HMGXB3: variants seen among roughly 807,000 people sequenced by gnomAD.
HMGXB3 encodes the protein HMG domain-containing protein 3.
In HMGXB3, 45 loss-of-function variants were observed where a neutral mutation model predicts 121.5. The ratio of observed to expected loss-of-function variants is 0.37; its 90% CI spans 0.29 to 0.47. HMGXB3 has a LOEUF of 0.47. HMGXB3 is among the 20% of genes least tolerant of loss of function. The probability of loss-of-function intolerance (pLI) is 0.99; values close to 1 mark genes in which losing one functional copy is unlikely to be tolerated. For synonymous variants in HMGXB3, 590 were observed against 624.1 expected (o/e 0.95, Z 0.81); for missense variants, 1,376 against 1,602.2 (o/e 0.86, Z 2.41).
Position 150,026,777 on chromosome 5 carries a change from T to G in HMGXB3, c.1532T>G (p.Leu511Arg), listed in dbSNP as rs1756241070. 1 of 1,550,660 alleles carries G rather than the reference T, an allele frequency of 6.4e-7. No homozygotes were observed. The highest frequency in any genetic ancestry group is 1.4e-5 in the African/African-American group (1 of 72,972). Residue 511 changes from leucine to arginine, a missense_variant, in exon 8 of 20, where the codon CTG (leucine) becomes CGG (arginine). Coordinates refer to ENST00000502717, the MANE Select transcript of HMGXB3 (RefSeq NM_014983.3). ...AGAGCACGGGGCAAGCCCTCATTAC[T>G]GGCTGCAGCAAGACCCATGAGAGCA... ...KGRARGKPSL[L>R]AAARPMRAIL...
chr5:150,026,936 G>C (rs921232403), intron 8 of HMGXB3, 55 bp downstream of exon 8: 3 of 1,525,596 alleles, frequency 2.0e-6, no homozygotes, highest in Admixed American at 2.0e-5. Context: ...AAAGGGACAG[G>C]AGTGGGGGGT....
chr5:150,041,228 C>T (rs1418522885), intron 14 of HMGXB3, among the ~76,000 whole-genome samples: 1 of 152,238 alleles, frequency 6.6e-6, no homozygotes, highest in East Asian at 1.9e-4. Context: ...CATGCCAAGA[C>T]CTAAGAGTGA....
chr5:150,012,373 G>A lies in HMGXB3; in HGVS notation c.909+20G>A. On this transcript the variant is annotated intron_variant, in intron 5 of 19. Coordinates refer to ENST00000502717, the MANE Select transcript of HMGXB3 (RefSeq NM_014983.3). ...AAACTGGTCAGTACTGTATGTGGGG[G>A]ATTGATGGCAATTAGGGTGTCATAA... is the stretch of plus-strand genomic sequence containing the variant. 1 of 1,495,112 alleles carries A rather than the reference G, an allele frequency of 6.7e-7. No individual in the cohort carries two copies. The highest frequency in any genetic ancestry group is 9.1e-7 in the Non-Finnish European group (1 of 1,095,518). The allele number at this position is 1,495,112 out of a possible 1,614,324, so 92.6% of individuals were successfully genotyped here.
intron 15 of HMGXB3, among the ~76,000 whole-genome samples, chr5:150,043,046 C>T (rs2113759181): frequency 6.6e-6 from 1 of 152,250 alleles, no homozygotes; most frequent in Non-Finnish European, 1.5e-5. Context: ...CAAAGTTAAA[C>T]ACAGGAAAGC....
intron 6 of HMGXB3, among the ~76,000 whole-genome samples, chr5:150,020,041 T>TTTAA (rs1756051099): frequency 6.6e-6 from 1 of 152,222 alleles, no homozygotes; most frequent in Non-Finnish European, 1.5e-5. Flanking sequence ...TGTTCCTGGA[T>TTTAA]TTAAGTTTTG....
intron 5 of HMGXB3, among the ~76,000 whole-genome samples, chr5:150,016,555 C>G (rs915679723): frequency 1.3e-5 from 2 of 152,102 alleles, no homozygotes; most frequent in Admixed American, 1.3e-4. Flanking sequence ...TCTACTTTGT[C>G]TAATATCTAG....
chr5:150,050,661 A>G (rs889327432), intron 19 of HMGXB3, among the ~76,000 whole-genome samples, 200 bp downstream of exon 19: 3 of 152,128 alleles, frequency 2.0e-5, no homozygotes, highest in African/African-American at 7.2e-5. Context: ...TTTGTGTTTT[A>G]GTAGAGATGG....
chr5:150,050,224 C>T, intron 18 of HMGXB3, 28 bp from the exon 19 acceptor site: 3 of 1,539,058 alleles, frequency 1.9e-6, no homozygotes, highest in Non-Finnish European at 2.6e-6. Flanking sequence ...CCTAATTAAC[C>T]CTGCGCCCCC....
At position 150,032,557 on chromosome 5, in the gene HMGXB3, G is replaced by C; in HGVS notation, c.1937G>C (p.Gly646Ala). The change falls in exon 11 of 20, where the codon GGT becomes GCT. Residue 646 changes from glycine (G) to alanine (A), a missense_variant. This residue lies in a region of HMGXB3 where 1,116 missense variants were observed against 1,369.0 expected (regional missense o/e 0.82). Transcript: ENST00000502717. The stretch of plus-strand genomic sequence containing the variant: ...AAACCTCGAATTTGTCCCAGCTGTG[G>C]TGTTAACCTTGCCAAAGACCGGACT... ...RHKPRICPSCGVNLAKDRTEK... is the reference protein window; with the variant it reads ...RHKPRICPSCAVNLAKDRTEK... 1.3e-6 allele frequency: 2 copies of C among 1,552,242 alleles called. No individual in the cohort carries two copies. The highest frequency in any genetic ancestry group is 1.2e-5 in the South Asian group (1 of 84,054).
chr5:150,001,456 C>T (rs1755562250), intron 1 of HMGXB3, among the ~76,000 whole-genome samples: 3 of 152,210 alleles, frequency 2.0e-5, no homozygotes, highest in Non-Finnish European at 4.4e-5. Flanking sequence ...CAAAGGCAAT[C>T]TCGTGAGATT....
chr5:150,016,136 G>A (rs530615904), intron 5 of HMGXB3, among the ~76,000 whole-genome samples: 3 of 152,236 alleles, frequency 2.0e-5, no homozygotes, highest in African/African-American at 7.2e-5. Flanking sequence ...CTTGAGCCCA[G>A]GAGTTCAAGA....
At chr5:150,050,595 C>T (rs1756867604) in intron 19 of HMGXB3, 134 bp downstream of exon 19, 1 of 650,332 alleles carries the variant, frequency 1.5e-6, no homozygotes, top group African/African-American at 1.8e-5. Flanking sequence ...AGTTCTCGTG[C>T]CTCAGCCTCC....
intron 16 of HMGXB3, 93 bp from the exon 17 acceptor site, chr5:150,047,531 G>A (rs1324039521): frequency 1.0e-5 from 15 of 1,462,626 alleles, no homozygotes; most frequent in Non-Finnish European, 1.4e-5. Context: ...TTGGTGCAGA[G>A]CTGGCTTCCA....
chr5:150,027,710 G>T (rs966963026), intron 9 of HMGXB3, among the ~76,000 whole-genome samples: 2 of 152,052 alleles, frequency 1.3e-5, no homozygotes, highest in South Asian at 2.1e-4. Flanking sequence ...ACACCACCAC[G>T]CCCGGCTAAC....
chr5:150,045,605 C>G lies in HMGXB3; in HGVS notation c.2870C>G (p.Pro957Arg). 2 of 1,551,882 alleles carry G rather than the reference C, an allele frequency of 1.3e-6. No individual in the cohort carries two copies. Among genetic ancestry groups the G allele is most frequent in the Non-Finnish European group, 8.7e-7 (1 of 1,147,036 alleles). Residue 957 changes from proline (P) to arginine (R), a missense_variant, in exon 16 of 20, where the codon CCC becomes CGC. This residue lies in a region of HMGXB3 where 1,116 missense variants were observed against 1,369.0 expected (regional missense o/e 0.82). Transcript: ENST00000502717. ...AAATTTGATGCGTCTGTTATTGCCC[C>G]CTTCTTCCCACCACTCATGAGAGGA... ...ITKFDASVIA[P>R]FFPPLMRGAV...
chr5:150,018,558 A>G lies in HMGXB3; in HGVS notation c.910-8A>G, dbSNP rs1321843261. On this transcript the variant is annotated splice_polypyrimidine_tract_variant and splice_region_variant and intron_variant, in intron 5 of 19. Coordinates refer to ENST00000502717, the MANE Select transcript of HMGXB3 (RefSeq NM_014983.3). The stretch of plus-strand genomic sequence containing the variant: ...TTCTATTGATTCTGATGTGCTCTTT[A>G]TTTACAGACCACTACATATACCCGC... 27 of 1,535,836 alleles carry G rather than the reference A, an allele frequency of 1.8e-5. No homozygotes were observed. The highest frequency in any genetic ancestry group is 2.3e-5 in the Non-Finnish European group (26 of 1,139,422).
At chr5:150,042,590 C>T (rs541328542) in intron 15 of HMGXB3, among the ~76,000 whole-genome samples, 1 of 149,728 alleles carries the variant, frequency 6.7e-6, no homozygotes, top group Non-Finnish European at 1.5e-5. Context: ...ACCAGTGGTG[C>T]AGCTCAGAGT....
intron 3 of HMGXB3, among the ~76,000 whole-genome samples, chr5:150,008,055 TCACACACACACACACACACACA>T (rs70973560): frequency 4.6e-5 from 6 of 130,112 alleles, no homozygotes; most frequent in East Asian, 4.3e-4. Flanking sequence ...AGACTCTGTT[TCACACACACACACACACACACA>T]CACACACACA....
intron 7 of HMGXB3, among the ~76,000 whole-genome samples, chr5:150,025,642 C>T (rs1756210990): frequency 6.6e-6 from 1 of 152,054 alleles, no homozygotes; most frequent in Admixed American, 6.5e-5. Flanking sequence ...AACACAGCTC[C>T]CTGAAGCCTC....
Sources: allele counts gnomAD v4.1 joint callset (sites outside exome capture counted in the v4.1 genomes callset), GRCh38; gene constraint gnomAD v4.1.1; regional missense constraint gnomAD v4.1.1; transcripts MANE v1.5; gene names NCBI Gene and HGNC (gene_info 2026-07-23, HGNC 2026-07-21).